ATP10B: variants seen among roughly 807,000 people sequenced by gnomAD.
The protein encoded by ATP10B is phospholipid-transporting ATPase VB.
ATP10B carries 122 observed loss-of-function variants against 141.2 expected under a neutral mutation model. The observed-to-expected ratio is 0.86, with a 90% CI of 0.75 to 1.00. ATP10B has a LOEUF of 1.00. ATP10B is among the 50% of genes least tolerant of loss of function. The pLI is 0.00. For missense variants in ATP10B, 1,876 were observed against 1,825.3 expected (o/e 1.03, Z -0.51); for synonymous variants, 685 against 692.0 (o/e 0.99, Z 0.16).
At chr5:160,909,415 G>C in the ATP10B span, among the ~76,000 whole-genome samples, 1 of 152,132 alleles carries the variant, frequency 6.6e-6, no homozygotes. Flanking sequence ...TAGCACACTG[G>C]TTTCTCCATC....
chr5:160,601,716 T>C (rs1369237092), intron 21 of ATP10B, among the ~76,000 whole-genome samples: 1 of 152,208 alleles, frequency 6.6e-6, no homozygotes. Context: ...ATATTATTGA[T>C]GAAAAGATTA....
chr5:160,610,227 T>C (rs1417790446), intron 18 of ATP10B, among the ~76,000 whole-genome samples: 2 of 152,194 alleles, frequency 1.3e-5, no homozygotes, highest in Non-Finnish European at 2.9e-5. Flanking sequence ...AATTTGGTGC[T>C]CTTTCTCACT....
intron 1 of ATP10B, among the ~76,000 whole-genome samples, chr5:160,809,540 G>A (rs1581573305): frequency 6.6e-6 from 1 of 152,116 alleles, no homozygotes; most frequent in East Asian, 1.9e-4. Flanking sequence ...TCTATGTGTT[G>A]GGAACATTCA....
chr5:160,732,490 T>C (rs1168071036), intron 2 of ATP10B, among the ~76,000 whole-genome samples: 2 of 152,198 alleles, frequency 1.3e-5, no homozygotes, highest in Non-Finnish European at 2.9e-5. Context: ...TGGTGAGAGA[T>C]GAGAGTCTAG....
At chr5:160,782,591 C>A in intron 2 of ATP10B, among the ~76,000 whole-genome samples, 1 of 152,030 alleles carries the variant, frequency 6.6e-6, no homozygotes, top group East Asian at 1.9e-4. Flanking sequence ...CCTGACCTAG[C>A]AATGACTCTT....
At chr5:160,804,600 G>A (rs1488234260) in intron 1 of ATP10B, among the ~76,000 whole-genome samples, 4 of 152,162 alleles carry the variant, frequency 2.6e-5, no homozygotes, top group South Asian at 2.1e-4. Flanking sequence ...TGTCCCTTTA[G>A]TATCAAACTA....
At chr5:160,618,652 T>C (rs1758160901) in intron 15 of ATP10B, among the ~76,000 whole-genome samples, 1 of 152,210 alleles carries the variant, frequency 6.6e-6, no homozygotes, top group Admixed American at 6.5e-5. Flanking sequence ...TGTACATAAG[T>C]TTCTGTCAGA....
chr5:160,812,020 CAGAGAGAGAG>C lies in ATP10B; in HGVS notation c.-575-26227_-575-26218del, dbSNP rs34793101. 9.5e-3 allele frequency among the ~76,000 whole-genome samples: 1,059 copies of C among 111,502 alleles called. 8 individuals carry two copies. Among genetic ancestry groups the C allele is most frequent in the African/African-American group, 0.021 (717 of 34,504 alleles). 73.1% of individuals were successfully genotyped at this position (111,502 alleles called of 152,430 possible). A position where few individuals can be genotyped will look rare whatever the true frequency, so the allele number is the denominator to read the frequency against. On this transcript the variant is annotated intron_variant, in intron 1 of 25. Transcript: ENST00000327245. ...AGAGAGACAGAGACAGAGACAGAGA[CAGAGAGAGAG>C]AGAGAGAGAGAGAGAGAGAGAGAGA...
At chr5:160,708,017 T>G (rs1765119233) in intron 3 of ATP10B, among the ~76,000 whole-genome samples, 1 of 152,148 alleles carries the variant, frequency 6.6e-6, no homozygotes, top group African/African-American at 2.4e-5. Flanking sequence ...TGAGGTCTAG[T>G]TTTCCCCTCT....
intron 1 of ATP10B, among the ~76,000 whole-genome samples, chr5:160,807,691 C>T (rs1422434047): frequency 6.6e-6 from 1 of 152,124 alleles, no homozygotes; most frequent in East Asian, 1.9e-4. Context: ...TCTCTGTATC[C>T]ATATGATAAA....
intron 3 of ATP10B, among the ~76,000 whole-genome samples, chr5:160,690,131 T>C (rs908070363): frequency 1.3e-5 from 2 of 152,154 alleles, no homozygotes; most frequent in African/African-American, 4.8e-5. Context: ...TAATAAATGG[T>C]GCTGGGAAAG....
Position 160,688,027 on chromosome 5 carries a change from G to A in ATP10B, c.48C>T (p.Val16=). ...DSSWHRWQWR[V]RDGFPHCPSE... ...ATGGACAATGGGGGAAGCCATCTCT[G>A]ACTCTCCACTGCCACCGATGCCACG... is the stretch of plus-strand genomic sequence containing the variant. The change falls in exon 5 of 26, where the codon GTC becomes GTT. Residue 16 remains valine (V), a synonymous_variant. Coordinates refer to ENST00000327245, the MANE Select transcript of ATP10B (RefSeq NM_025153.3). 6.2e-7 allele frequency: 1 copy of A among 1,613,860 alleles called. No individual in the cohort carries two copies. Among genetic ancestry groups the A allele is most frequent in the East Asian group, 2.2e-5 (1 of 44,868 alleles).
At chr5:160,636,674 C>A (rs1050481823) in intron 10 of ATP10B, among the ~76,000 whole-genome samples, 13 of 152,064 alleles carry the variant, frequency 8.5e-5, no homozygotes, top group Non-Finnish European at 1.8e-4. Context: ...GGTAGGGAGC[C>A]TTGAGACCTG....
intron 2 of ATP10B, among the ~76,000 whole-genome samples, chr5:160,755,838 AATATATATATATATAT>A (rs1181077522): frequency 0.025 from 1,137 of 45,404 alleles, 26 homozygotes; most frequent in Middle Eastern, 0.042. Flanking sequence ...AAAAAAAAAA[AATATATATATATATAT>A]ATATATATAT....
At chr5:160,592,357 C>T (rs979565377) in intron 22 of ATP10B, among the ~76,000 whole-genome samples, 4 of 152,154 alleles carry the variant, frequency 2.6e-5, no homozygotes, top group Non-Finnish European at 5.9e-5. Flanking sequence ...GTATAGGATC[C>T]TTCTGCATGG....
chr5:160,915,541 AG>A, the ATP10B span, among the ~76,000 whole-genome samples: 1 of 152,172 alleles, frequency 6.6e-6, no homozygotes, highest in Non-Finnish European at 1.5e-5. Flanking sequence ...CGTGTTGGCC[AG>A]GCTGTTCTTG....
At chr5:160,597,318 G>C (rs564887161) in intron 22 of ATP10B, among the ~76,000 whole-genome samples, 1 of 152,194 alleles carries the variant, frequency 6.6e-6, no homozygotes, top group African/African-American at 2.4e-5. Context: ...TTAATAAATG[G>C]TGCTGGGAAA....
chr5:160,822,064 G>A (rs1774153073), intron 1 of ATP10B, among the ~76,000 whole-genome samples: 1 of 151,998 alleles, frequency 6.6e-6, no homozygotes, highest in South Asian at 2.1e-4. Context: ...AATCAACAAA[G>A]TGAAGACACA....
chr5:160,782,039 T>C lies in ATP10B; in HGVS notation c.-331+3520A>G, dbSNP rs542626368. Among the ~76,000 whole-genome samples the C allele has an allele frequency of 4.6e-5, 7 of 152,302 alleles. No homozygotes were observed. The South Asian group carries it at 8.3e-4, about 18-fold the overall frequency. On this transcript the variant is annotated intron_variant, in intron 2 of 25. Transcript: ENST00000327245. ...TAGAAAGTATTATATACAAAAGAGA[T>C]ACTGGGGGTTGAGTAAGGAGATTGG...
Sources: allele counts gnomAD v4.1 joint callset (sites outside exome capture counted in the v4.1 genomes callset), GRCh38; gene constraint gnomAD v4.1.1; transcripts MANE v1.5; gene names NCBI Gene and HGNC (gene_info 2026-07-23, HGNC 2026-07-21).